Variants in ANKRD36C observed in about 807,000 individuals in gnomAD.
ANKRD36C encodes ankyrin repeat domain 36C.
ANKRD36C carries 61 observed loss-of-function variants against 276.4 expected under a neutral mutation model. That is an observed-to-expected ratio of 0.22 (90% CI 0.18 to 0.27). The LOEUF is 0.27. ANKRD36C is among the 10% of genes least tolerant of loss of function. The pLI is 1.00. For missense variants in ANKRD36C, 1,447 were observed against 2,032.3 expected, an observed-to-expected ratio of 0.71 and a Z score of 5.54; for synonymous variants, 483 against 680.1, an observed-to-expected ratio of 0.71 and a Z score of 4.51.
At chr2:95,987,837 A>C (rs999409235) in intron 1 of ANKRD36C, among the ~76,000 whole-genome samples, 1 of 151,982 alleles carries the variant, frequency 6.6e-6, no homozygotes, top group African/African-American at 2.4e-5. Flanking sequence ...TCATATCTAC[A>C]TTGAGGTATC....
chr2:95,936,967 G>A (rs538161549), intron 22 of ANKRD36C, among the ~76,000 whole-genome samples: 2 of 152,328 alleles, frequency 1.3e-5, no homozygotes, highest in Non-Finnish European at 2.9e-5. Flanking sequence ...CAGTTTCATC[G>A]AGTATCAACT....
At chr2:95,849,703 TATC>T (rs945717894), downstream of ANKRD36C, among the ~76,000 whole-genome samples, 1 of 152,232 alleles carries the variant, frequency 6.6e-6, no homozygotes, top group Non-Finnish European at 1.5e-5. Flanking sequence ...GACAATGACA[TATC>T]ATCAGGCATT....
intron 1 of ANKRD36C, among the ~76,000 whole-genome samples, chr2:95,987,718 T>C (rs1158247041): frequency 6.7e-6 from 1 of 148,900 alleles, no homozygotes; most frequent in Admixed American, 6.8e-5. Flanking sequence ...GCTTCCCGGG[T>C]TCACGACATT....
rs995802720 is a variant in ANKRD36C, at chr2:95,919,456, T to C, written c.2246-1414A>G. On this transcript the variant is annotated intron_variant, in intron 34 of 66. Transcript: ENST00000456556. ...GTAGAATTAATGCAAAACTATGCTG[T>C]TCCCCAGAACCCCTTATGTCTTGAA... Among the ~76,000 whole-genome samples, 12 of 133,636 alleles carry C rather than the reference T, an allele frequency of 9.0e-5. 2 individuals are homozygous for C. In the South Asian group the frequency reaches 9.3e-4, roughly 10 times the overall value. The allele number at this position is 133,636 out of a possible 152,430, so 87.7% of individuals were successfully genotyped here.
In ANKRD36C at chr2:95,912,394, A is replaced by G; in HGVS notation, c.2580+13T>C. Reference sequence around the variant, plus strand: ...CGTTTACTAGCTCACAATATGAATGAGAGTTTCATTACCTTCAAGGCTGGT... The same window carrying G: ...CGTTTACTAGCTCACAATATGAATGGGAGTTTCATTACCTTCAAGGCTGGT... On this transcript the variant is annotated intron_variant, in intron 41 of 66. Coordinates refer to ENST00000456556, the Ensembl canonical transcript of ANKRD36C. 1 of 1,604,084 alleles carries G rather than the reference A, an allele frequency of 6.2e-7. No homozygotes were observed. The highest frequency in any genetic ancestry group is 2.2e-5 in the East Asian group (1 of 44,558).
intron 28 of ANKRD36C, 42 bp from the exon 29 acceptor site, chr2:95,925,589 T>A: frequency 6.6e-7 from 1 of 1,517,796 alleles, no homozygotes; most frequent in Non-Finnish European, 8.9e-7. Context: ...TATGTAAATA[T>A]GATAAAGTCG....
intron 44 of ANKRD36C, 69 bp downstream of exon 64, chr2:95,893,464 T>C: frequency 2.6e-6 from 4 of 1,521,208 alleles, no homozygotes; most frequent in Non-Finnish European, 3.5e-6. Context: ...CCCCCGCTGA[T>C]TTATTTGGGG....
chr2:95,858,139 A>G (rs1675466143), intron 61 of ANKRD36C, among the ~76,000 whole-genome samples: 2 of 151,684 alleles, frequency 1.3e-5, no homozygotes, highest in Admixed American at 1.3e-4. Flanking sequence ...TCTAAAATGT[A>G]TAAAACCAAG....
chr2:95,961,834 A>G (rs1260782625), intron 8 of ANKRD36C, among the ~76,000 whole-genome samples: 1 of 152,016 alleles, frequency 6.6e-6, no homozygotes, highest in African/African-American at 2.4e-5. Flanking sequence ...AGGTTTCTGC[A>G]GCAGAAACCC....
At chr2:95,887,511 C>T (rs1676227120) in intron 50 of ANKRD36C, among the ~76,000 whole-genome samples, 1 of 151,568 alleles carries the variant, frequency 6.6e-6, no homozygotes, top group Admixed American at 6.6e-5. Flanking sequence ...CTCCTTAGTT[C>T]TCATTCTACA....
chr2:95,897,259 T>C lies in ANKRD36C; in HGVS notation c.2755+1886A>G, dbSNP rs2104369883. ...GACTGAACATGACATTAAATCTCTTTTCAAAATTACCTCTCCTAGTTTTTT... is the reference window on the plus strand; with the variant it reads ...GACTGAACATGACATTAAATCTCTTCTCAAAATTACCTCTCCTAGTTTTTT... On this transcript the variant is annotated intron_variant, in intron 44 of 66. Coordinates refer to ENST00000456556, the Ensembl canonical transcript of ANKRD36C. 6.7e-6 allele frequency: 10 copies of C among 1,484,262 alleles called. 1 individual carries two copies. The highest frequency in any genetic ancestry group is 4.8e-4 in the Middle Eastern group (2 of 4,172). The allele number at this position is 1,484,262 out of a possible 1,614,324, so 91.9% of individuals were successfully genotyped here. A position where few individuals can be genotyped will look rare whatever the true frequency, so the allele number is the denominator to read the frequency against.
chr2:95,849,607 T>C (rs926823565), downstream of ANKRD36C, among the ~76,000 whole-genome samples: 2 of 152,212 alleles, frequency 1.3e-5, no homozygotes, highest in African/African-American at 4.8e-5. Flanking sequence ...AATGAAATAA[T>C]TACACAACTC....
intron 1 of ANKRD36C, among the ~76,000 whole-genome samples, chr2:95,989,294 G>A (rs1335619148): frequency 6.6e-6 from 1 of 151,982 alleles, no homozygotes. Flanking sequence ...ACATTTACTA[G>A]AAGTTTTAAA....
chr2:95,927,511 C>G lies in ANKRD36C; in HGVS notation c.1838-102G>C. Reference sequence around the variant, plus strand: ...ATCAAACTATATCTTCCTGCCTGTACTAGTGTAGGCTTTGATGTTTTCTAC... The same window carrying G: ...ATCAAACTATATCTTCCTGCCTGTAGTAGTGTAGGCTTTGATGTTTTCTAC... On this transcript the variant is annotated intron_variant, in intron 26 of 66. Coordinates refer to ENST00000456556, the Ensembl canonical transcript of ANKRD36C. The G allele has an allele frequency of 7.2e-6, 11 of 1,534,756 alleles. No homozygotes were observed. In the South Asian group the frequency reaches 1.3e-4, roughly 19 times the overall value.
intron 49 of ANKRD36C, 35 bp from the exon 70 acceptor site, chr2:95,888,032 A>C: frequency 1.2e-6 from 2 of 1,605,666 alleles, no homozygotes; most frequent in Middle Eastern, 3.5e-4. Context: ...ATGAATACAT[A>C]AACTATGTTT....
chr2:95,967,470 T>C (rs1678616176), intron 6 of ANKRD36C, among the ~76,000 whole-genome samples: 1 of 152,132 alleles, frequency 6.6e-6, no homozygotes, highest in South Asian at 2.1e-4. Flanking sequence ...ATGGCAATCG[T>C]TAAAAGGTCA....
At chr2:95,956,868 A>T (rs895742186) in intron 12 of ANKRD36C, 52 bp from the exon 13 acceptor site, 175 of 1,471,192 alleles carry the variant, frequency 1.2e-4, no homozygotes, top group Non-Finnish European at 1.5e-4. Flanking sequence ...GAACCTATAA[A>T]ATATTAAAAA....
At chr2:95,964,395 G>T (rs1211556441) in intron 6 of ANKRD36C, among the ~76,000 whole-genome samples, 2 of 151,712 alleles carry the variant, frequency 1.3e-5, no homozygotes, top group Non-Finnish European at 2.9e-5. Context: ...TGCTTTCTTT[G>T]TTCTGCCCAA....
At chr2:95,917,073 T>C (rs1249757145) in intron 36 of ANKRD36C, among the ~76,000 whole-genome samples, 1 of 151,608 alleles carries the variant, frequency 6.6e-6, no homozygotes, top group East Asian at 2.0e-4. Flanking sequence ...ATAGCTATTG[T>C]ATCCAAGACG....
Sources: gnomAD v4.1 joint callset for allele counts (sites outside exome capture counted in the v4.1 genomes callset) on GRCh38, gnomAD v4.1.1 for gene constraint, MANE v1.5 for transcripts, NCBI Gene and HGNC (gene_info 2026-07-23, HGNC 2026-07-21) for gene names.